HRH1: variants seen among roughly 807,000 people sequenced by gnomAD.
HRH1 encodes the protein histamine H1 receptor.
In HRH1, 6 loss-of-function variants were observed where a neutral mutation model predicts 10.3. The observed-to-expected ratio is 0.58, with a 90% CI of 0.32 to 1.15. HRH1 has a LOEUF of 1.15. Among genes scored for constraint, HRH1 ranks in the 50% most tolerant of loss-of-function variants. The pLI, the probability that HRH1 is intolerant of heterozygous loss-of-function variation, is 0.05. For missense variants in HRH1, 514 were observed against 615.3 expected (o/e 0.84, Z 1.74); for synonymous variants, 242 against 236.7 (o/e 1.02, Z -0.21).
At chr3:11,183,855 CTTTTT>C (rs60566877) in intron 1 of HRH1, among the ~76,000 whole-genome samples, 3 of 91,944 alleles carry the variant, frequency 3.3e-5, no homozygotes, top group South Asian at 3.9e-4. Context: ...GGAAAGCTTG[CTTTTT>C]TTTTTTTTTT....
chr3:11,216,320 C>A (rs1447880233), intron 1 of HRH1, among the ~76,000 whole-genome samples: 1 of 152,206 alleles, frequency 6.6e-6, no homozygotes, highest in Non-Finnish European at 1.5e-5. Context: ...CGTCTATATA[C>A]ACCCATGTTC....
At chr3:11,195,940 C>G (rs1937633805) in intron 1 of HRH1, among the ~76,000 whole-genome samples, 1 of 152,220 alleles carries the variant, frequency 6.6e-6, no homozygotes, top group South Asian at 2.1e-4. Context: ...AAGCAGCCAG[C>G]AACAGCTTTC....
intron 1 of HRH1, among the ~76,000 whole-genome samples, chr3:11,242,160 A>T (rs1358402252): frequency 6.6e-6 from 1 of 151,768 alleles, no homozygotes; most frequent in East Asian, 1.9e-4. Flanking sequence ...GTTGCTGCTC[A>T]CTCTTTGGGT....
At chr3:11,197,037 G>C (rs59166619) in intron 1 of HRH1, among the ~76,000 whole-genome samples, 1 of 150,670 alleles carries the variant, frequency 6.6e-6, no homozygotes, top group Admixed American at 6.6e-5. Flanking sequence ...AGGCAGGAGA[G>C]TGGCGTGAAC....
At chr3:11,216,790 G>A (rs1938514077) in intron 1 of HRH1, among the ~76,000 whole-genome samples, 1 of 152,126 alleles carries the variant, frequency 6.6e-6, no homozygotes, top group Admixed American at 6.6e-5. Context: ...TGAGGCAGGA[G>A]AATCACTTGA....
chr3:11,243,158 CCTG>C (rs1224599508), intron 1 of HRH1, among the ~76,000 whole-genome samples: 1 of 152,232 alleles, frequency 6.6e-6, no homozygotes. Flanking sequence ...AGGCAATCCA[CCTG>C]CTTTGGCCTC....
At chr3:11,184,439 C>T (rs766590575) in intron 1 of HRH1, among the ~76,000 whole-genome samples, 35 of 152,232 alleles carry the variant, frequency 2.3e-4, no homozygotes, top group Middle Eastern at 3.4e-3. Flanking sequence ...TGTCTTGCTT[C>T]CTCTCTTAGA....
At chr3:11,182,521 T>G (rs1003529033) in intron 1 of HRH1, among the ~76,000 whole-genome samples, 3 of 152,218 alleles carry the variant, frequency 2.0e-5, no homozygotes, top group Non-Finnish European at 4.4e-5. Context: ...ATCCATTTCA[T>G]GGATGAAGGA....
chr3:11,145,135 C>T (rs928391705), intron 1 of HRH1, among the ~76,000 whole-genome samples: 1 of 152,186 alleles, frequency 6.6e-6, no homozygotes, highest in Admixed American at 6.5e-5. Flanking sequence ...AACCACCTTC[C>T]TCCCTTCCTC....
chr3:11,228,660 T>G (rs112805054), intron 1 of HRH1, among the ~76,000 whole-genome samples: 2 of 152,104 alleles, frequency 1.3e-5, no homozygotes, highest in African/African-American at 4.8e-5. Context: ...CTCATGCCTG[T>G]AATTCCAATA....
Position 11,223,183 on chromosome 3 carries a change from C to CAAAAAA in HRH1, c.-35-35797_-35-35792dup, listed in dbSNP as rs58149660. 2.6e-4 allele frequency among the ~76,000 whole-genome samples: 7 copies of CAAAAAA among 26,784 alleles called. 2 individuals carry two copies. Among genetic ancestry groups the CAAAAAA allele is most frequent in the Admixed American group, 7.2e-4 (1 of 1,382 alleles). 17.6% of individuals were successfully genotyped at this position (26,784 alleles called of 152,430 possible). A position where few individuals can be genotyped will look rare whatever the true frequency, so the allele number is the denominator to read the frequency against. ...CTGGCGACAAAGCGAGACTTCGTCT[C>CAAAAAA]AAAAAAAAAAAAAAAAAAAAAAAAA... On this transcript the variant is annotated intron_variant, in intron 1 of 1. Coordinates refer to ENST00000431010, the MANE Select transcript of HRH1 (RefSeq NM_001098212.2).
At chr3:11,209,431 A>G (rs967522035) in intron 1 of HRH1, among the ~76,000 whole-genome samples, 50 of 152,184 alleles carry the variant, frequency 3.3e-4, no homozygotes, top group Admixed American at 2.9e-3. Flanking sequence ...TTAATTGCCT[A>G]GAGATTCTTG....
intron 1 of HRH1, among the ~76,000 whole-genome samples, chr3:11,167,610 G>T (rs188814719): frequency 6.6e-6 from 1 of 152,346 alleles, no homozygotes; most frequent in East Asian, 1.9e-4. Flanking sequence ...CATGGTTTTT[G>T]ATTTCTGCCC....
chr3:11,175,044 C>T (rs1010020197), intron 1 of HRH1, among the ~76,000 whole-genome samples: 1 of 152,138 alleles, frequency 6.6e-6, no homozygotes, highest in Admixed American at 6.5e-5. Context: ...TTTGGTGATA[C>T]AGGATGCTGA....
chr3:11,246,869 G>A (rs1939504310), intron 1 of HRH1, among the ~76,000 whole-genome samples: 1 of 152,088 alleles, frequency 6.6e-6, no homozygotes, highest in South Asian at 2.1e-4. Context: ...AATACAGTGA[G>A]ACCCTCTCTC....
At chr3:11,199,401 C>A (rs1937811084) in intron 1 of HRH1, among the ~76,000 whole-genome samples, 1 of 152,152 alleles carries the variant, frequency 6.6e-6, no homozygotes, top group Non-Finnish European at 1.5e-5. Context: ...GCATGCTGTT[C>A]CCTCTGCCTG....
chr3:11,239,157 A>G (rs1939268408), intron 1 of HRH1, among the ~76,000 whole-genome samples: 1 of 152,186 alleles, frequency 6.6e-6, no homozygotes, highest in Non-Finnish European at 1.5e-5. Context: ...CTTTCTCCAC[A>G]TCTTCACCAA....
intron 1 of HRH1, among the ~76,000 whole-genome samples, chr3:11,238,388 C>T (rs1939243702): frequency 6.6e-6 from 1 of 152,174 alleles, no homozygotes; most frequent in African/African-American, 2.4e-5. Context: ...TTCCGCTAAG[C>T]AACTAGTTTG....
In HRH1 at chr3:11,260,643, A is replaced by G. The variant is rs1422892647; in HGVS notation, c.*142A>G. ...GTCTTAGGGGCTTGGTAGTTTGGAA[A>G]GTTCTTAGGCACCATAGAAGAACAG... On this transcript the variant is annotated 3_prime_UTR_variant, in exon 2 of 2. Coordinates refer to ENST00000431010, the MANE Select transcript of HRH1 (RefSeq NM_001098212.2). 4.1e-6 allele frequency: 3 copies of G among 740,004 alleles called. No homozygotes were observed. Among genetic ancestry groups the G allele is most frequent in the Non-Finnish European group, 6.9e-6 (3 of 436,988 alleles). 45.8% of individuals were successfully genotyped at this position (740,004 alleles called of 1,614,324 possible). A position where few individuals can be genotyped will look rare whatever the true frequency, so the allele number is the denominator to read the frequency against.
Sources: allele counts gnomAD v4.1 joint callset (sites outside exome capture counted in the v4.1 genomes callset), GRCh38; gene constraint gnomAD v4.1.1; transcripts MANE v1.5; gene names NCBI Gene and HGNC (gene_info 2026-07-23, HGNC 2026-07-21).